The following NEBL variants were observed in gnomAD, a reference collection of about 807,000 sequenced individuals.
NEBL encodes the protein LIM and SH3 protein 2.
A neutral mutation model predicts 140.2 loss-of-function variants in NEBL; 122 were observed. The ratio of observed to expected loss-of-function variants is 0.87; its 90% CI spans 0.75 to 1.01. The LOEUF is 1.01. NEBL is among the 50% of genes least tolerant of loss of function. NEBL has a pLI of 0.00. For missense variants in NEBL, 1,365 were observed against 1,231.3 expected (o/e 1.11, Z -1.62); for synonymous variants, 436 against 398.9 (o/e 1.09, Z -1.11).
intron 4 of NEBL, among the ~76,000 whole-genome samples, chr10:20,916,028 T>G (rs999827413): frequency 2.6e-5 from 4 of 152,270 alleles, no homozygotes; most frequent in Non-Finnish European, 5.9e-5. Context: ...CTTTCTACGA[T>G]AAACCGTTAT....
intron 3 of NEBL, among the ~76,000 whole-genome samples, chr10:20,989,758 CA>C (rs1837388647): frequency 6.6e-6 from 1 of 152,170 alleles, no homozygotes; most frequent in Non-Finnish European, 1.5e-5. Flanking sequence ...CTTGGAGGAT[CA>C]CATGCTCAAT....
chr10:21,267,186 G>A (rs1227789640), intron 1 of NEBL, among the ~76,000 whole-genome samples: 1 of 152,028 alleles, frequency 6.6e-6, no homozygotes, highest in African/African-American at 2.4e-5. Context: ...ACATTGGCCA[G>A]GCCAGTCTCA....
chr10:21,027,219 G>A (rs1450611818), intron 2 of NEBL, among the ~76,000 whole-genome samples: 2 of 151,908 alleles, frequency 1.3e-5, no homozygotes, highest in Admixed American at 6.6e-5. Context: ...TGTTCTTGGG[G>A]ACCCCAGCAC....
chr10:20,959,354 A>G (rs1835947109), intron 4 of NEBL, among the ~76,000 whole-genome samples: 1 of 152,158 alleles, frequency 6.6e-6, no homozygotes, highest in Admixed American at 6.6e-5. Context: ...TTTCCAGTCT[A>G]GACACTTTCT....
chr10:20,939,075 G>C (rs1470747307), intron 4 of NEBL, among the ~76,000 whole-genome samples: 1 of 152,038 alleles, frequency 6.6e-6, no homozygotes, highest in Admixed American at 6.6e-5. Flanking sequence ...TCAGATTCAG[G>C]AAATACAGAG....
intron 2 of NEBL, among the ~76,000 whole-genome samples, chr10:21,059,389 T>C (rs1320172697): frequency 3.3e-5 from 5 of 152,188 alleles, no homozygotes; most frequent in African/African-American, 9.6e-5. Flanking sequence ...AATCCCAGAA[T>C]ACTAAAGGGC....
intron 2 of NEBL, among the ~76,000 whole-genome samples, chr10:21,163,241 G>A (rs546263873): frequency 3.3e-5 from 5 of 152,202 alleles, no homozygotes; most frequent in African/African-American, 4.8e-5. Flanking sequence ...GCCATCACAG[G>A]TGTTTGAGCA....
intron 26 of NEBL, among the ~76,000 whole-genome samples, chr10:20,807,825 C>T (rs1186109427): frequency 6.6e-6 from 1 of 152,020 alleles, no homozygotes; most frequent in African/African-American, 2.4e-5. Flanking sequence ...CCTTTAAAAA[C>T]AGATTTATAA....
At chr10:20,820,843 A>T (rs573482732) in intron 19 of NEBL, among the ~76,000 whole-genome samples, 1 of 152,250 alleles carries the variant, frequency 6.6e-6, no homozygotes, top group Admixed American at 6.5e-5. Flanking sequence ...AAACAAAAAT[A>T]AAAAAGAAAG....
intron 2 of NEBL, among the ~76,000 whole-genome samples, chr10:21,053,547 CAT>C (rs1007259271): frequency 6.6e-6 from 1 of 152,158 alleles, no homozygotes; most frequent in African/African-American, 2.4e-5. Flanking sequence ...AAGCTGTTTT[CAT>C]TTTTCAAGTA....
intron 1 of NEBL, among the ~76,000 whole-genome samples, chr10:21,264,271 A>G (rs140491329): frequency 6.6e-6 from 1 of 151,958 alleles, no homozygotes; most frequent in African/African-American, 2.4e-5. Context: ...TGATATATAA[A>G]GAGCATCTCT....
chr10:20,822,939 C>T (rs538078859), intron 19 of NEBL, among the ~76,000 whole-genome samples: 13 of 152,274 alleles, frequency 8.5e-5, no homozygotes, highest in Middle Eastern at 3.4e-3. Flanking sequence ...TGCTCTCACC[C>T]TCCTACCTTT....
intron 22 of NEBL, among the ~76,000 whole-genome samples, chr10:20,814,579 G>A (rs1417766919): frequency 6.6e-6 from 1 of 150,956 alleles, no homozygotes; most frequent in Non-Finnish European, 1.5e-5. Context: ...TCCAGCCCGG[G>A]CAACAGAGAC....
chr10:20,901,519 G>T (rs563351721), upstream of NEBL, among the ~76,000 whole-genome samples: 537 of 152,078 alleles, frequency 3.5e-3, 5 homozygotes, highest in African/African-American at 0.012. Context: ...GGTGATACAT[G>T]ATTTAAAAAT....
chr10:20,960,327 T>C (rs941147007), intron 4 of NEBL, among the ~76,000 whole-genome samples: 1 of 152,090 alleles, frequency 6.6e-6, no homozygotes, highest in African/African-American at 2.4e-5. Context: ...AATAGGTTTT[T>C]GGTTTAAGGA....
At chr10:21,235,791 A>G (rs774657696) in intron 3 of NEBL, among the ~76,000 whole-genome samples, 13 of 152,174 alleles carry the variant, frequency 8.5e-5, no homozygotes, top group Admixed American at 6.6e-4. Flanking sequence ...TTCAACTATA[A>G]TTAGGGATCA....
At chr10:20,831,850 T>C (rs1840451313) in intron 14 of NEBL, among the ~76,000 whole-genome samples, 1 of 152,162 alleles carries the variant, frequency 6.6e-6, no homozygotes, top group South Asian at 2.1e-4. Flanking sequence ...AAATTTAACA[T>C]TTCAATATGA....
At chr10:21,061,769 A>G (rs918210054) in intron 2 of NEBL, among the ~76,000 whole-genome samples, 4 of 152,168 alleles carry the variant, frequency 2.6e-5, no homozygotes, top group African/African-American at 9.7e-5. Flanking sequence ...CACAGAGTGG[A>G]TAAGGACTGA....
intron 1 of NEBL, among the ~76,000 whole-genome samples, chr10:21,264,696 T>TAAAAAAAAAAAAA (rs71392177): frequency 3.3e-5 from 1 of 30,686 alleles, no homozygotes; most frequent in Non-Finnish European, 6.2e-5. Context: ...AGTTGCTATT[T>TAAAAAAAAAAAAA]AAAAAAAAAA....
Sources: allele counts gnomAD v4.1 joint callset (sites outside exome capture counted in the v4.1 genomes callset), GRCh38; gene constraint gnomAD v4.1.1; transcripts MANE v1.5; gene names NCBI Gene and HGNC (gene_info 2026-07-23, HGNC 2026-07-21).